Variants in HEATR4 observed in about 807,000 individuals in gnomAD.
HEATR4 encodes HEAT repeat containing 4.
A neutral mutation model predicts 108.8 loss-of-function variants in HEATR4; 95 were observed. The ratio of observed to expected loss-of-function variants is 0.87; its 90% confidence interval spans 0.74 to 1.04. The LOEUF (loss-of-function observed/expected upper bound fraction) is 1.04. Among genes scored for constraint, HEATR4 ranks in the 50% least tolerant of loss-of-function variants. The pLI is 0.00. For synonymous variants in HEATR4, 443 were observed against 459.4 expected (o/e 0.96, Z 0.46); for missense variants, 1,152 against 1,253.8 (o/e 0.92, Z 1.23).
Position 73,536,730 on chromosome 14 carries a change from C to T in HEATR4, c.-151-6486G>A, listed in dbSNP as rs1443703332. Among the ~76,000 whole-genome samples the T allele has an allele frequency of 1.8e-5, 2 of 113,442 alleles. 1 individual carries two copies. Among genetic ancestry groups the T allele is most frequent in the Non-Finnish European group, 3.8e-5 (2 of 52,524 alleles). 74.4% of individuals were successfully genotyped at this position (113,442 alleles called of 152,430 possible). ...TTACCTCATTTGGCTATTTTTACACCTGTAAGGAATAAAGCTCAGAGGTCA... is the reference window on the plus strand; with the variant it reads ...TTACCTCATTTGGCTATTTTTACACTTGTAAGGAATAAAGCTCAGAGGTCA... On this transcript the variant is annotated intron_variant, in intron 1 of 17. Coordinates refer to ENST00000553558, the MANE Select transcript of HEATR4 (RefSeq NM_001220484.1).
intron 2 of HEATR4, among the ~76,000 whole-genome samples, chr14:73,524,337 T>TATATA (rs1888199711): frequency 8.6e-6 from 1 of 116,798 alleles, no homozygotes; most frequent in Non-Finnish European, 1.8e-5. Flanking sequence ...ATATATATAT[T>TATATA]ATAGCTGTAA....
In HEATR4 at chr14:73,517,051, T is replaced by C. The variant is rs187966656; in HGVS notation, c.1210+1972A>G. Among the ~76,000 whole-genome samples, 9 of 152,156 alleles carry C rather than the reference T, an allele frequency of 5.9e-5. No homozygotes were observed. In the East Asian group the frequency reaches 1.4e-3, roughly 23 times the overall value. On this transcript the variant is annotated intron_variant, in intron 5 of 17. Transcript: ENST00000553558. ...CAGCACTTTGTTTGGGAGGCTAAGG[T>C]GGGAGGACCCCTTGTGGCCAGGAGT...
At chr14:73,612,965 C>A in the HEATR4 span, 1 of 1,209,092 alleles carries the variant, frequency 8.3e-7, no homozygotes, top group Non-Finnish European at 1.1e-6. Context: ...CTTTCTCCGG[C>A]CGGGGGTGCG....
At chr14:73,619,429 A>C in the HEATR4 span, 8 of 1,614,004 alleles carry the variant, frequency 5.0e-6, no homozygotes, top group East Asian at 1.8e-4. Flanking sequence ...AAAAATCACT[A>C]AGTCAGGATT....
At chr14:73,523,770 CT>C (rs1888120383) in intron 2 of HEATR4, among the ~76,000 whole-genome samples, 1 of 152,172 alleles carries the variant, frequency 6.6e-6, no homozygotes, top group Non-Finnish European at 1.5e-5. Flanking sequence ...TCAATTTGTG[CT>C]GCTCCATAAC....
chr14:73,522,762 C>G lies in HEATR4; in HGVS notation c.391G>C (p.Asp131His), dbSNP rs374166668. ...TCTGTCTTCACAGCCAGGGAGGTGT[C>G]TCCTGTTAAGGGACTTGAGGAACCC... is the stretch of plus-strand genomic sequence containing the variant. ...FLGSSSPLTGDTSLAVKTESS... is the reference protein window; with the variant it reads ...FLGSSSPLTGHTSLAVKTESS... Residue 131 changes from aspartate to histidine, a missense_variant, in exon 3 of 18, where the codon GAC (aspartate) becomes CAC (histidine). Transcript: ENST00000553558. The G allele has an allele frequency of 8.7e-6, 14 of 1,614,186 alleles. No individual in the cohort carries two copies. Among genetic ancestry groups the G allele is most frequent in the Non-Finnish European group, 1.2e-5 (14 of 1,180,032 alleles).
the HEATR4 span, among the ~76,000 whole-genome samples, chr14:73,615,844 T>C: frequency 1.3e-5 from 2 of 151,978 alleles, no homozygotes; most frequent in Admixed American, 6.6e-5. Flanking sequence ...AGTGGGAGGA[T>C]TGCTTGAGGC....
intron 6 of HEATR4, among the ~76,000 whole-genome samples, chr14:73,513,728 CAAAAAA>C (rs747778891): frequency 2.8e-4 from 13 of 46,770 alleles, no homozygotes; most frequent in East Asian, 9.1e-4. Flanking sequence ...ACTACGTCTC[CAAAAAA>C]AAAAAAAAAA....
the HEATR4 span, chr14:73,569,981 G>GC: frequency 6.9e-7 from 1 of 1,444,674 alleles, no homozygotes; most frequent in East Asian, 2.6e-5. Flanking sequence ...CCCCCCCGCC[G>GC]CGCCCCCGGG....
At chr14:73,604,803 G>A in the HEATR4 span, among the ~76,000 whole-genome samples, 1 of 152,146 alleles carries the variant, frequency 6.6e-6, no homozygotes, top group Admixed American at 6.6e-5. Flanking sequence ...TTTCTTAATT[G>A]GATTACTGGC....
At chr14:73,630,000 G>A in the HEATR4 span, among the ~76,000 whole-genome samples, 2 of 150,290 alleles carry the variant, frequency 1.3e-5, no homozygotes, top group South Asian at 4.2e-4. Context: ...TTCCAGCTTG[G>A]GCGACAGAGC....
At chr14:73,482,105 G>T (rs1885281017) in intron 17 of HEATR4, among the ~76,000 whole-genome samples, 1 of 152,160 alleles carries the variant, frequency 6.6e-6, no homozygotes. Flanking sequence ...TGAAGCACAG[G>T]CCGGGCACAC....
the HEATR4 span, among the ~76,000 whole-genome samples, chr14:73,574,092 AACTCC>A: frequency 1.3e-5 from 2 of 151,598 alleles, no homozygotes; most frequent in Non-Finnish European, 2.9e-5. Context: ...GCTGGTCTCA[AACTCC>A]TGACCTCAAG....
the HEATR4 span, chr14:73,595,660 TTGTC>T: frequency 1.5e-5 from 23 of 1,514,320 alleles, no homozygotes; most frequent in Admixed American, 8.9e-5. Context: ...TGTAATGCAT[TTGTC>T]TGTTGTTGAC....
the HEATR4 span, among the ~76,000 whole-genome samples, chr14:73,586,442 TG>T: frequency 0.026 from 3,537 of 137,820 alleles, 139 homozygotes; most frequent in African/African-American, 0.09. Flanking sequence ...CAGTGGTTCA[TG>T]CCTGTAATCC....
chr14:73,612,468 T>A, the HEATR4 span: 28 of 777,552 alleles, frequency 3.6e-5, no homozygotes, highest in East Asian at 9.1e-4. Context: ...ATGGGAGTAG[T>A]GTTAAGGGCT....
At chr14:73,617,080 T>G in the HEATR4 span, 1 of 1,498,658 alleles carries the variant, frequency 6.7e-7, no homozygotes, top group South Asian at 1.1e-5. Context: ...GGACATGGTT[T>G]TGCTGTGCTT....
Position 73,537,654 on chromosome 14 carries a change from T to C in HEATR4, c.-151-7410A>G, listed in dbSNP as rs1362095693. On this transcript the variant is annotated intron_variant, in intron 1 of 17. Transcript: ENST00000553558. Reference sequence around the variant, plus strand: ...GGCAGCTTCGCGGGGCTTGAGCCCATGGGGCTGCTCTGGGCCTTGGAGCCC... The same window carrying C: ...GGCAGCTTCGCGGGGCTTGAGCCCACGGGGCTGCTCTGGGCCTTGGAGCCC... 6.5e-6 allele frequency: 8 copies of C among 1,235,982 alleles called. 2 individuals are homozygous for C. The highest frequency in any genetic ancestry group is 1.6e-5 in the African/African-American group (1 of 64,006). 76.6% of individuals were successfully genotyped at this position (1,235,982 alleles called of 1,614,324 possible). A position where few individuals can be genotyped will look rare whatever the true frequency, so the allele number is the denominator to read the frequency against.
chr14:73,584,473 T>A, the HEATR4 span, among the ~76,000 whole-genome samples: 1 of 150,862 alleles, frequency 6.6e-6, no homozygotes, highest in East Asian at 1.9e-4. Flanking sequence ...CCAGAATTCT[T>A]CAAGGAGATG....
Sources: gnomAD v4.1 joint callset for allele counts (sites outside exome capture counted in the v4.1 genomes callset) on GRCh38, gnomAD v4.1.1 for gene constraint, MANE v1.5 for transcripts, NCBI Gene and HGNC (gene_info 2026-07-23, HGNC 2026-07-21) for gene names.